Variants in SLF1 observed in about 807,000 individuals in gnomAD.
The protein encoded by SLF1 is SMC5-SMC6 complex localization factor protein 1.
In SLF1, 105 loss-of-function variants were observed where a neutral mutation model predicts 123.0. The observed-to-expected ratio is 0.85, with a 90% CI of 0.73 to 1.00. The LOEUF is 1.00. Ranked by LOEUF, SLF1 falls within the 50% of genes least tolerant of loss-of-function variation. The probability of loss-of-function intolerance (pLI) is 0.00; values close to 1 mark genes in which losing one functional copy is unlikely to be tolerated. For synonymous variants in SLF1, 434 were observed against 406.6 expected (o/e 1.07, Z -0.81); for missense variants, 1,239 against 1,223.0 (o/e 1.01, Z -0.20).
At position 94,661,539 on chromosome 5, in the gene SLF1, G is replaced by GTT. The variant is rs202036711; in HGVS notation, c.1156-747_1156-746dup. Among the ~76,000 whole-genome samples, 36 of 141,230 alleles carry GTT rather than the reference G, an allele frequency of 2.5e-4. 1 individual carries two copies. Among genetic ancestry groups the GTT allele is most frequent in the African/African-American group, 8.0e-4 (31 of 38,792 alleles). 92.7% of individuals were successfully genotyped at this position (141,230 alleles called of 152,430 possible). ...TTCTTCCAGGGTTTTTTGTTTTTTT[G>GTT]TTTTTTTTTTTTTGAGACCGGGTCT... On this transcript the variant is annotated intron_variant, in intron 9 of 20. Transcript: ENST00000265140.
intron 5 of SLF1, among the ~76,000 whole-genome samples, chr5:94,648,160 C>T (rs1422527129): frequency 6.6e-6 from 1 of 152,152 alleles, no homozygotes; most frequent in Non-Finnish European, 1.5e-5. Context: ...GCAAGTTACA[C>T]TTAACAGAAA....
At chr5:94,688,015 T>G (rs1752643174) in intron 16 of SLF1, among the ~76,000 whole-genome samples, 1 of 130,540 alleles carries the variant, frequency 7.7e-6, no homozygotes, top group Admixed American at 7.1e-5. Context: ...TATGTAGATA[T>G]TAATATCTAT....
Position 94,696,553 on chromosome 5 carries a change from G to A in SLF1, c.*1241G>A, listed in dbSNP as rs571562917. On this transcript the variant is annotated 3_prime_UTR_variant, in exon 21 of 21. Transcript: ENST00000265140. The stretch of plus-strand genomic sequence containing the variant: ...TCTGCCAAAGTATCAGACAAAAAAT[G>A]ATATAGTGAAGACTATCTAAGAAGA... The A allele has an allele frequency of 1.6e-4, 25 of 151,900 alleles. No homozygotes were observed. Among genetic ancestry groups the A allele is most frequent in the African/African-American group, 6.0e-4 (25 of 41,512 alleles). 9.4% of individuals were successfully genotyped at this position (151,900 alleles called of 1,614,324 possible).
Position 94,696,629 on chromosome 5 carries a change from C to T in SLF1, c.*1317C>T, listed in dbSNP as rs1475967060. 2.6e-5 allele frequency: 4 copies of T among 151,714 alleles called. No individual in the cohort carries two copies. Among genetic ancestry groups the T allele is most frequent in the African/African-American group, 4.8e-5 (2 of 41,368 alleles). 9.4% of individuals were successfully genotyped at this position (151,714 alleles called of 1,614,324 possible). A position where few individuals can be genotyped will look rare whatever the true frequency, so the allele number is the denominator to read the frequency against. ...TGCTTCTCCAGATGATGAATAAGAACGTTTTTTATTCCAATGAGTACCTCT... is the reference window on the plus strand; with the variant it reads ...TGCTTCTCCAGATGATGAATAAGAATGTTTTTTATTCCAATGAGTACCTCT... On this transcript the variant is annotated 3_prime_UTR_variant, in exon 21 of 21. Transcript: ENST00000265140.
chr5:94,627,447 C>G lies in SLF1; in HGVS notation c.1-1364C>G, dbSNP rs148651585. On this transcript the variant is annotated intron_variant, in intron 1 of 20. Transcript: ENST00000265140. ...AGAAATTCTGTGAGTTATGTACTCC[C>G]TAAACACAAAGTACTTTTTGTGAAC... is the stretch of plus-strand genomic sequence containing the variant. Among the ~76,000 whole-genome samples, 782 of 151,832 alleles carry G rather than the reference C, an allele frequency of 5.2e-3. 9 individuals carry two copies. The highest frequency in any genetic ancestry group is 0.018 in the African/African-American group (743 of 41,438).
chr5:94,683,634 A>G (rs989364183), intron 15 of SLF1, among the ~76,000 whole-genome samples: 1 of 152,174 alleles, frequency 6.6e-6, no homozygotes, highest in Non-Finnish European at 1.5e-5. Context: ...AACTCTGAAT[A>G]GGAAAGAAGG....
chr5:94,650,282 T>A (rs769319537), intron 6 of SLF1, among the ~76,000 whole-genome samples: 3 of 152,118 alleles, frequency 2.0e-5, no homozygotes, highest in Admixed American at 6.5e-5. Context: ...TATGTATAAC[T>A]AAGAAGAAAT....
chr5:94,664,299 T>A (rs575630385), intron 11 of SLF1, among the ~76,000 whole-genome samples: 1 of 152,318 alleles, frequency 6.6e-6, no homozygotes, highest in East Asian at 1.9e-4. Flanking sequence ...ATACTCTTTG[T>A]TTAAAAAGAA....
At chr5:94,629,629 C>G (rs1216822961) in intron 3 of SLF1, 1 of 152,368 alleles carries the variant, frequency 6.6e-6, no homozygotes, top group East Asian at 1.9e-4. Context: ...CAAATTAAGA[C>G]TTAGTCTTCT....
intron 9 of SLF1, 143 bp downstream of exon 9, chr5:94,654,895 A>C (rs561139437): frequency 4.2e-5 from 25 of 588,594 alleles, no homozygotes; most frequent in East Asian, 2.5e-4. Context: ...TTATTAGTCT[A>C]TTATACAGTA....
chr5:94,665,810 A>G, intron 11 of SLF1, 51 bp from the exon 12 acceptor site: 2 of 1,462,008 alleles, frequency 1.4e-6, no homozygotes, highest in South Asian at 2.5e-5. Flanking sequence ...TAGAGAGTCA[A>G]ACTACTTTTA....
chr5:94,694,761 G>A, intron 20 of SLF1, 70 bp from the exon 21 acceptor site: 1 of 1,501,454 alleles, frequency 6.7e-7, no homozygotes, highest in Non-Finnish European at 8.9e-7. Context: ...TGGGAAAAAG[G>A]AGAAAAGAGC....
intron 1 of SLF1, among the ~76,000 whole-genome samples, chr5:94,624,651 CA>C (rs1423947930): frequency 6.6e-6 from 1 of 152,024 alleles, no homozygotes; most frequent in Non-Finnish European, 1.5e-5. Context: ...ATTTAAAGGA[CA>C]AGCTTTAAAT....
chr5:94,695,146 C>G lies in SLF1; in HGVS notation c.3011C>G (p.Thr1004Ser). ...CATAAAGAAACCACCAGTGTTCATACTGACTGGTTACTGGATCTTTATGCT... is the reference window on the plus strand; with the variant it reads ...CATAAAGAAACCACCAGTGTTCATAGTGACTGGTTACTGGATCTTTATGCT... Reference protein sequence around the residue: ...KSHKETTSVHTDWLLDLYAGN... With the variant: ...KSHKETTSVHSDWLLDLYAGN... The change falls in exon 21 of 21, where the codon ACT becomes AGT. Residue 1004 changes from threonine (T) to serine (S), a missense_variant. By Grantham distance (58) the Thr-to-Ser change is moderately conservative (BLOSUM62 1). Transcript: ENST00000265140. 1.2e-6 allele frequency: 2 copies of G among 1,612,682 alleles called. No homozygotes were observed. Among genetic ancestry groups the G allele is most frequent in the African/African-American group, 1.3e-5 (1 of 74,958 alleles).
rs1753486311 is a variant in SLF1 at position 94,695,919 on chromosome 5, A to C, written c.*607A>C. 1.3e-5 allele frequency: 2 copies of C among 152,018 alleles called. No homozygotes were observed. Among genetic ancestry groups the C allele is most frequent in the South Asian group, 2.1e-4 (1 of 4,832 alleles). The allele number at this position is 152,018 out of a possible 1,614,324, so 9.4% of individuals were successfully genotyped here. On this transcript the variant is annotated 3_prime_UTR_variant, in exon 21 of 21. Coordinates refer to ENST00000265140, the MANE Select transcript of SLF1 (RefSeq NM_032290.4). ...ATGCAGCAAATATGCAGAGTCTGAC[A>C]GTTCAATTCCTTGATCTGTTTTATT... is the stretch of plus-strand genomic sequence containing the variant.
chr5:94,625,673 A>G (rs1269280053), intron 1 of SLF1, among the ~76,000 whole-genome samples: 1 of 152,030 alleles, frequency 6.6e-6, no homozygotes, highest in Non-Finnish European at 1.5e-5. Context: ...GTGAGCCACC[A>G]TGCCCGGCCA....
Position 94,686,700 on chromosome 5 carries a change from ACTCT to A in SLF1, c.2108_2111del (p.Ser703PhefsTer29). The stretch of plus-strand genomic sequence containing the variant: ...GCTCTGGCAGTGTTTCTTCTGAGCC[ACTCT>A]CTCTTCAGAAAATGGTAAGTACCTC... On this transcript the variant is annotated frameshift_variant, in exon 16 of 21. Transcript: ENST00000265140. LOFTEE classifies it high-confidence loss of function. 1 of 1,613,674 alleles carries A rather than the reference ACTCT, an allele frequency of 6.2e-7. No individual in the cohort carries two copies. Among genetic ancestry groups the A allele is most frequent in the Non-Finnish European group, 8.5e-7 (1 of 1,179,814 alleles).
intron 20 of SLF1, 137 bp from the exon 21 acceptor site, chr5:94,694,694 A>T: frequency 1.8e-6 from 2 of 1,108,706 alleles, no homozygotes; most frequent in Non-Finnish European, 2.5e-6. Flanking sequence ...ATAGTCAGTT[A>T]ATTGTGTCGA....
At chr5:94,622,351 T>A (rs1267495033) in intron 1 of SLF1, among the ~76,000 whole-genome samples, 2 of 152,150 alleles carry the variant, frequency 1.3e-5, no homozygotes, top group Non-Finnish European at 2.9e-5. Context: ...AAAAGTAGGT[T>A]TAAAATCAAA....
Sources: allele counts gnomAD v4.1 joint callset (sites outside exome capture counted in the v4.1 genomes callset), GRCh38; gene constraint gnomAD v4.1.1; transcripts MANE v1.5; gene names NCBI Gene and HGNC (gene_info 2026-07-23, HGNC 2026-07-21).